Variants in LMNA observed in about 807,000 individuals in gnomAD.
LMNA encodes lamin.
In LMNA, 20 loss-of-function variants were observed where a neutral mutation model predicts 70.4. The observed-to-expected ratio is 0.28, with a 90% confidence interval of 0.20 to 0.41. LMNA has a LOEUF of 0.41. Ranked by LOEUF, LMNA falls within the 10% of genes least tolerant of loss-of-function variation. The pLI is 1.00. For missense variants in LMNA, 652 were observed against 917.2 expected (o/e 0.71, Z 3.73); for synonymous variants, 339 against 372.8 (o/e 0.91, Z 1.04).
Position 156,134,304 on chromosome 1 carries a change from T to A in LMNA, c.514-99T>A. 5 of 1,356,744 alleles carry A rather than the reference T, an allele frequency of 3.7e-6. No individual in the cohort carries two copies. Among genetic ancestry groups the A allele is most frequent in the Non-Finnish European group, 5.1e-6 (5 of 971,488 alleles). 84.0% of individuals were successfully genotyped at this position (1,356,744 alleles called of 1,614,324 possible). On this transcript the variant is annotated intron_variant, in intron 2 of 11. Transcript: ENST00000368300. The surrounding 1 kb of genome is among the most constrained non-coding windows in gnomAD (Gnocchi z 5.3). ...CTCCTTCCCTGGACCTGTTTCCACA[T>A]GTGTGAAGGGGTGCACAGGCAGCAG...
Position 156,139,302 on chromosome 1 carries a change from G to T in LMNA, c.*196G>T. ...GTTTTATACTGAAGGAAAAACACAA[G>T]CAAAAAAAAAAAAAAGCATCTATCT... On this transcript the variant is annotated 3_prime_UTR_variant, in exon 12 of 12. Transcript: ENST00000368300. The T allele has an allele frequency of 1.6e-6, 2 of 1,252,556 alleles. No homozygotes were observed. Among genetic ancestry groups the T allele is most frequent in the South Asian group, 2.1e-5 (1 of 47,898 alleles). The allele number at this position is 1,252,556 out of a possible 1,614,324, so 77.6% of individuals were successfully genotyped here.
chr1:156,085,145 C>T (rs1648429997), intron 2 of LMNA, among the ~76,000 whole-genome samples: 1 of 152,230 alleles, frequency 6.6e-6, no homozygotes, highest in African/African-American at 2.4e-5. Flanking sequence ...ACCTGGAGGG[C>T]AAAGGATATG....
At chr1:156,088,192 C>T (rs1374406944) in intron 2 of LMNA, among the ~76,000 whole-genome samples, 1 of 152,056 alleles carries the variant, frequency 6.6e-6, no homozygotes, top group African/African-American at 2.4e-5. Context: ...CCTTAATAAC[C>T]CTTTCTTGTG....
chr1:156,129,071 C>G (rs1199199958), intron 1 of LMNA, among the ~76,000 whole-genome samples: 1 of 152,238 alleles, frequency 6.6e-6, no homozygotes, highest in African/African-American at 2.4e-5. Flanking sequence ...TGGGTTTTGA[C>G]TTTATTTTTA....
At chr1:156,109,308 C>T (rs1649453973), upstream of LMNA, among the ~76,000 whole-genome samples, 1 of 152,204 alleles carries the variant, frequency 6.6e-6, no homozygotes, top group East Asian at 1.9e-4. Context: ...CTTCACTGGT[C>T]TTGATGCTTT....
In LMNA at chr1:156,137,579, T is replaced by G. The variant is rs952462687; in HGVS notation, c.1609-75T>G. On this transcript the variant is annotated intron_variant, in intron 9 of 11. Coordinates refer to ENST00000368300, the MANE Select transcript of LMNA (RefSeq NM_170707.4). The surrounding 1 kb of genome is among the most constrained non-coding windows in gnomAD (Gnocchi z 4.6). Reference sequence around the variant, plus strand: ...GGCAGGCCACAAGAAAAGTTGCAGGTGGTCACTGGGGTAGACATGCTGTAC... The same window carrying G: ...GGCAGGCCACAAGAAAAGTTGCAGGGGGTCACTGGGGTAGACATGCTGTAC... 1 of 1,338,290 alleles carries G rather than the reference T, an allele frequency of 7.5e-7. No individual in the cohort carries two copies. Among genetic ancestry groups the G allele is most frequent in the Non-Finnish European group, 1.0e-6 (1 of 957,170 alleles). The allele number at this position is 1,338,290 out of a possible 1,614,324, so 82.9% of individuals were successfully genotyped here. A position where few individuals can be genotyped will look rare whatever the true frequency, so the allele number is the denominator to read the frequency against.
intron 3 of LMNA, among the ~76,000 whole-genome samples, chr1:156,102,610 C>T (rs1411903560): frequency 6.6e-6 from 1 of 152,212 alleles, no homozygotes; most frequent in Non-Finnish European, 1.5e-5. Context: ...CCCTGGCCCA[C>T]CCAGTGCTCA....
intron 1 of LMNA, chr1:156,129,709 T>G: frequency 1.6e-6 from 1 of 618,204 alleles, no homozygotes; most frequent in Non-Finnish European, 3.0e-6. Context: ...AATAGGACCT[T>G]TCTATTTCTC....
intron 1 of LMNA, chr1:156,126,242 G>T: frequency 6.6e-7 from 1 of 1,515,730 alleles, no homozygotes; most frequent in Non-Finnish European, 8.8e-7. Context: ...GGCTGCTGAG[G>T]AGTGGGTCTA....
Position 156,130,744 on chromosome 1 carries a change from C to G in LMNA, c.484C>G (p.Leu162Val). 1 of 1,599,108 alleles carries G rather than the reference C, an allele frequency of 6.3e-7. No individual in the cohort carries two copies. Among genetic ancestry groups the G allele is most frequent in the Non-Finnish European group, 8.5e-7 (1 of 1,173,028 alleles). Residue 162 changes from leucine (L) to valine (V), a missense_variant, in exon 2 of 12, where the codon CTG (leucine) becomes GTG (valine). Around this residue, in one of 4 missense-constraint regions of LMNA, gnomAD observed 254 missense variants for 421.9 expected, o/e 0.60. Transcript: ENST00000368300. Reference protein sequence around the residue: ...LSEKRTLEGELHDLRGQVAKL... With the variant: ...LSEKRTLEGEVHDLRGQVAKL... ...TGAGAAGCGCACGCTGGAGGGCGAG[C>G]TGCATGATCTGCGGGGCCAGGTGGC...
In LMNA at chr1:156,138,414, G is replaced by T. The variant is rs1651849624; in HGVS notation, c.1699-74G>T. ...GCCTGGCGGCTGGGAGCCTGCAGGA[G>T]CCTGGAGCCTGGTTGGGCCTGAGTG... On this transcript the variant is annotated intron_variant, in intron 10 of 11. Transcript: ENST00000368300. This position sits in a 1 kb window ranked among gnomAD's most constrained non-coding sequence, Gnocchi z 5.5. 1.3e-6 allele frequency: 2 copies of T among 1,525,664 alleles called. No individual in the cohort carries two copies. The highest frequency in any genetic ancestry group is 1.8e-6 in the Non-Finnish European group (2 of 1,122,688). 94.5% of individuals were successfully genotyped at this position (1,525,664 alleles called of 1,614,324 possible). A position where few individuals can be genotyped will look rare whatever the true frequency, so the allele number is the denominator to read the frequency against.
chr1:156,102,089 C>G (rs1649163877), intron 3 of LMNA, among the ~76,000 whole-genome samples: 1 of 152,240 alleles, frequency 6.6e-6, no homozygotes, highest in African/African-American at 2.4e-5. Context: ...TCCCTAGTCT[C>G]TCTGGGACAG....
intron 3 of LMNA, among the ~76,000 whole-genome samples, chr1:156,107,109 T>C (rs1649378038): frequency 1.3e-5 from 2 of 152,202 alleles, no homozygotes; most frequent in Admixed American, 1.3e-4. Context: ...TCAGCTGTAA[T>C]ATGCAGATAA....
chr1:156,139,982 G>T lies in LMNA; in HGVS notation c.*876G>T, dbSNP rs1383602811. 4.2e-6 allele frequency: 3 copies of T among 721,326 alleles called. No homozygotes were observed. The highest frequency in any genetic ancestry group is 3.7e-5 in the African/African-American group (2 of 53,404). 44.7% of individuals were successfully genotyped at this position (721,326 alleles called of 1,614,324 possible). A position where few individuals can be genotyped will look rare whatever the true frequency, so the allele number is the denominator to read the frequency against. On this transcript the variant is annotated 3_prime_UTR_variant, in exon 12 of 12. Transcript: ENST00000368300. Reference sequence around the variant, plus strand: ...GAGGAAGGCAAGAGGGGGTGGAGGGGTGTGGCAGTGGTTTTGGCAAACGCT... The same window carrying T: ...GAGGAAGGCAAGAGGGGGTGGAGGGTTGTGGCAGTGGTTTTGGCAAACGCT...
At position 156,137,970 on chromosome 1, in the gene LMNA, A is replaced by G; in HGVS notation, c.1698+227A>G. 2 of 826,082 alleles carry G rather than the reference A, an allele frequency of 2.4e-6. No homozygotes were observed. Among genetic ancestry groups the G allele is most frequent in the Non-Finnish European group, 3.7e-6 (2 of 544,236 alleles). The allele number at this position is 826,082 out of a possible 1,614,324, so 51.2% of individuals were successfully genotyped here. ...TAAGGAAGGGAGTGGGAACTTTCTGATGCCATGGAATATTCCTGTGGGAGC... is the reference window on the plus strand; with the variant it reads ...TAAGGAAGGGAGTGGGAACTTTCTGGTGCCATGGAATATTCCTGTGGGAGC... On this transcript the variant is annotated intron_variant, in intron 10 of 11. Transcript: ENST00000368300. This position sits in a 1 kb window ranked among gnomAD's most constrained non-coding sequence, Gnocchi z 4.6.
rs1047858138 is a variant in LMNA, at chr1:156,135,073, G to A, written c.810+98G>A. The A allele has an allele frequency of 1.9e-6, 3 of 1,609,796 alleles. No homozygotes were observed. Among genetic ancestry groups the A allele is most frequent in the Non-Finnish European group, 2.5e-6 (3 of 1,176,732 alleles). ...CCTTCTGGGGATCAGGCAGATGGTG[G>A]CAGGGAGCTCAGGGTGGCCCAGGAC... is the stretch of plus-strand genomic sequence containing the variant. On this transcript the variant is annotated intron_variant, in intron 4 of 11. Transcript: ENST00000368300. The surrounding 1 kb of genome is among the most constrained non-coding windows in gnomAD (Gnocchi z 4.8).
chr1:156,136,556 C>T lies in LMNA; in HGVS notation c.1380+120C>T. ...CCTCAGAGGGTGGACCAGGGTGAGC[C>T]TGTATATCTCCTCCACACTCTGGTT... On this transcript the variant is annotated intron_variant, in intron 7 of 11. Coordinates refer to ENST00000368300, the MANE Select transcript of LMNA (RefSeq NM_170707.4). The surrounding 1 kb of genome is among the most constrained non-coding windows in gnomAD (Gnocchi z 6.1). 5.8e-6 allele frequency: 6 copies of T among 1,031,754 alleles called. No individual in the cohort carries two copies. The highest frequency in any genetic ancestry group is 8.7e-6 in the Non-Finnish European group (6 of 687,746). 63.9% of individuals were successfully genotyped at this position (1,031,754 alleles called of 1,614,324 possible).
At chr1:156,111,173 T>G (rs1265635559), upstream of LMNA, among the ~76,000 whole-genome samples, 2 of 150,988 alleles carry the variant, frequency 1.3e-5, no homozygotes, top group African/African-American at 4.9e-5. Context: ...TGCCTAGGCC[T>G]GGTGCAGTGG....
chr1:156,090,124 G>A lies in LMNA; in HGVS notation c.-318-347G>A, dbSNP rs1648642581. ...TTTTCTAATTGCCCTCTCTGTGCCA[G>A]GCACTGTGCAAGGTACTAACGAGAT... On this transcript the variant is annotated intron_variant, in intron 2 of 12. Transcript: ENST00000368301. Among the ~76,000 whole-genome samples the A allele has an allele frequency of 2.0e-5, 3 of 152,226 alleles. No homozygotes were observed. In the South Asian group the frequency reaches 6.2e-4, roughly 32 times the overall value.
Sources: allele counts gnomAD v4.1 joint callset (sites outside exome capture counted in the v4.1 genomes callset), GRCh38; gene constraint gnomAD v4.1.1; regional missense constraint gnomAD v4.1.1; non-coding constraint Gnocchi (gnomAD v3.1); transcripts MANE v1.5; gene names NCBI Gene and HGNC (gene_info 2026-07-23, HGNC 2026-07-21).